Variants in NAALADL2 observed in about 807,000 individuals in gnomAD.
NAALADL2 encodes N-acetylated alpha-linked acidic dipeptidase like 2, also known as inactive N-acetylated-alpha-linked acidic dipeptidase-like protein 2.
NAALADL2 carries 76 observed loss-of-function variants against 87.2 expected under a neutral mutation model. The ratio of observed to expected loss-of-function variants is 0.87; its 90% confidence interval spans 0.72 to 1.05. NAALADL2 has a LOEUF of 1.05. NAALADL2 is among the 50% of genes least tolerant of loss of function. The pLI, the probability that NAALADL2 is intolerant of heterozygous loss-of-function variation, is 0.00. For synonymous variants in NAALADL2, 354 were observed against 331.0 expected, an observed-to-expected ratio of 1.07 and a Z score of -0.75; for missense variants, 1,089 against 945.8, an observed-to-expected ratio of 1.15 and a Z score of -1.99.
rs371689715 is a variant in NAALADL2 at position 174,662,688 on chromosome 3, C to A, written c.-114-74953C>A. The stretch of plus-strand genomic sequence containing the variant: ...CAAACAATCCTAATTTTATCATGTG[C>A]GCAGAAGTTCCTTTCATAGAAAATG... On this transcript the variant is annotated intron_variant, in intron 2 of 3. Coordinates refer to the NAALADL2 transcript ENST00000434257. Among the ~76,000 whole-genome samples the A allele has an allele frequency of 6.2e-4, 94 of 150,796 alleles. 2 individuals carry two copies. In the South Asian group the frequency reaches 0.018, roughly 30 times the overall value.
chr3:175,668,008 A>C (rs1733446031), intron 11 of NAALADL2, among the ~76,000 whole-genome samples: 1 of 152,006 alleles, frequency 6.6e-6, no homozygotes, highest in African/African-American at 2.4e-5. Context: ...CCATCATCAC[A>C]CAGCACTGAT....
chr3:175,369,111 G>A (rs1038027603), intron 5 of NAALADL2, among the ~76,000 whole-genome samples: 2 of 152,116 alleles, frequency 1.3e-5, no homozygotes, highest in Non-Finnish European at 2.9e-5. Context: ...GTCACAATGA[G>A]AACAATGCCA....
At chr3:174,962,343 A>G (rs1182548168) in intron 1 of NAALADL2, among the ~76,000 whole-genome samples, 1 of 143,778 alleles carries the variant, frequency 7.0e-6, no homozygotes, top group African/African-American at 2.6e-5. Flanking sequence ...TTGTTGTTTA[A>G]TGGCATTCAT....
At chr3:175,136,211 C>G (rs1407866126) in intron 2 of NAALADL2, among the ~76,000 whole-genome samples, 1 of 152,076 alleles carries the variant, frequency 6.6e-6, no homozygotes, top group Non-Finnish European at 1.5e-5. Flanking sequence ...AGAAAGAAGG[C>G]TGGGAAAACA....
At position 175,228,171 on chromosome 3, in the gene NAALADL2, G is replaced by A. The variant is rs1744430664; in HGVS notation, c.546-5760G>A. Among the ~76,000 whole-genome samples the A allele has an allele frequency of 2.0e-5, 3 of 151,864 alleles. No individual in the cohort carries two copies. The South Asian group carries it at 6.2e-4, about 32-fold the overall frequency. ...AATCCAGTCAACAACCAGAGTGTAGGAGATTTGAATAATCTAATCTCTAAT... is the reference window on the plus strand; with the variant it reads ...AATCCAGTCAACAACCAGAGTGTAGAAGATTTGAATAATCTAATCTCTAAT... On this transcript the variant is annotated intron_variant, in intron 2 of 13. Transcript: ENST00000454872.
At chr3:175,653,136 A>G (rs1396588778) in intron 11 of NAALADL2, among the ~76,000 whole-genome samples, 7 of 152,126 alleles carry the variant, frequency 4.6e-5, no homozygotes. Context: ...TGAGTAGGCT[A>G]AGGAGGAGGA....
At chr3:174,652,719 A>G (rs895823369) in intron 2 of NAALADL2, among the ~76,000 whole-genome samples, 1 of 152,220 alleles carries the variant, frequency 6.6e-6, no homozygotes, top group African/African-American at 2.4e-5. Flanking sequence ...ACCATATCAC[A>G]TAAAGTGAAA....
chr3:175,429,176 TACACACACACAC>T (rs749991023), intron 5 of NAALADL2, among the ~76,000 whole-genome samples: 11 of 125,510 alleles, frequency 8.8e-5, no homozygotes, highest in African/African-American at 3.0e-4. Context: ...TATATATATG[TACACACACACAC>T]ACACACACAC....
chr3:175,124,998 AAAT>A (rs566985691), intron 2 of NAALADL2, among the ~76,000 whole-genome samples: 137 of 152,016 alleles, frequency 9.0e-4, no homozygotes, highest in African/African-American at 3.2e-3. Flanking sequence ...TGAGTCAGAA[AAAT>A]AATAGGGAGA....
chr3:174,641,249 C>T (rs992034851), intron 2 of NAALADL2, among the ~76,000 whole-genome samples: 1 of 152,132 alleles, frequency 6.6e-6, no homozygotes, highest in African/African-American at 2.4e-5. Context: ...CCGCGGGCCT[C>T]GGTTGAGATC....
At chr3:175,526,659 G>A (rs1344684714) in intron 9 of NAALADL2, among the ~76,000 whole-genome samples, 3 of 151,980 alleles carry the variant, frequency 2.0e-5, no homozygotes, top group South Asian at 2.1e-4. Flanking sequence ...GGGGGTGGGA[G>A]TCATTTCTCT....
intron 9 of NAALADL2, among the ~76,000 whole-genome samples, chr3:175,510,153 G>A (rs949724325): frequency 6.6e-6 from 1 of 152,034 alleles, no homozygotes; most frequent in Non-Finnish European, 1.5e-5. Flanking sequence ...AGGCCAGCAA[G>A]GAGAAGTGTG....
intron 1 of NAALADL2, among the ~76,000 whole-genome samples, chr3:174,466,646 C>T (rs1341073734): frequency 6.6e-6 from 1 of 152,094 alleles, no homozygotes; most frequent in African/African-American, 2.4e-5. Context: ...CTGGAATGCA[C>T]CTCCTGTGAC....
intron 10 of NAALADL2, among the ~76,000 whole-genome samples, chr3:175,616,280 A>G (rs7619554): frequency 0.034 from 4,823 of 140,412 alleles, 256 homozygotes; most frequent in African/African-American, 0.12. Flanking sequence ...TTAATTATAA[A>G]TATAATAAAT....
At chr3:175,144,064 A>G (rs918772332) in intron 2 of NAALADL2, among the ~76,000 whole-genome samples, 1 of 152,004 alleles carries the variant, frequency 6.6e-6, no homozygotes, top group Admixed American at 6.6e-5. Flanking sequence ...AATAATTTAA[A>G]AGAATAATAA....
intron 10 of NAALADL2, among the ~76,000 whole-genome samples, chr3:175,604,602 C>T (rs967619081): frequency 1.3e-5 from 2 of 152,070 alleles, no homozygotes; most frequent in Admixed American, 1.3e-4. Flanking sequence ...CCACGCCCAG[C>T]CGAAATTTTT....
chr3:175,634,259 T>A (rs916445712), intron 11 of NAALADL2, among the ~76,000 whole-genome samples: 2 of 151,944 alleles, frequency 1.3e-5, no homozygotes, highest in African/African-American at 4.8e-5. Context: ...CTTTGATTAA[T>A]AGATTTATAT....
chr3:175,379,945 A>C (rs955788895), intron 5 of NAALADL2, among the ~76,000 whole-genome samples: 1 of 152,120 alleles, frequency 6.6e-6, no homozygotes, highest in Non-Finnish European at 1.5e-5. Context: ...AAACTATCAC[A>C]AGGACAAAAA....
intron 10 of NAALADL2, among the ~76,000 whole-genome samples, chr3:175,613,756 T>C (rs1318440623): frequency 2.6e-5 from 4 of 152,194 alleles, no homozygotes; most frequent in Non-Finnish European, 4.4e-5. Flanking sequence ...ATCTATAAAA[T>C]TGGGATAATA....
Sources: gnomAD v4.1 joint callset for allele counts (sites outside exome capture counted in the v4.1 genomes callset) on GRCh38, gnomAD v4.1.1 for gene constraint, MANE v1.5 for transcripts, NCBI Gene and HGNC (gene_info 2026-07-23, HGNC 2026-07-21) for gene names.